Variants in CDH6 observed in about 807,000 individuals in gnomAD.
CDH6 encodes cadherin-6.
CDH6 carries 31 observed loss-of-function variants against 78.0 expected under a neutral mutation model. That is an observed-to-expected ratio of 0.40 (90% confidence interval 0.30 to 0.54). CDH6 has a LOEUF of 0.54. Among genes scored for constraint, CDH6 ranks in the 20% least tolerant of loss-of-function variants. The probability of loss-of-function intolerance (pLI) is 0.56; values close to 1 mark genes in which losing one functional copy is unlikely to be tolerated. For missense variants in CDH6, 724 were observed against 975.9 expected (o/e 0.74, Z 3.44); for synonymous variants, 376 against 368.8 (o/e 1.02, Z -0.23).
intron 1 of CDH6, among the ~76,000 whole-genome samples, chr5:31,199,427 C>CTTT (rs1740261869): frequency 3.9e-5 from 2 of 50,914 alleles, no homozygotes; most frequent in Non-Finnish European, 8.0e-5. Context: ...TATATGTACA[C>CTTT]ACATATGTGT....
At chr5:31,302,390 A>G (rs1737789776) in intron 6 of CDH6, 92 bp downstream of exon 6, 1 of 903,878 alleles carries the variant, frequency 1.1e-6, no homozygotes, top group Non-Finnish European at 1.6e-6. Context: ...TCACATAAAC[A>G]TTCCTTTAGA....
intron 1 of CDH6, chr5:31,251,454 T>A (rs192828121): frequency 6.6e-6 from 1 of 152,276 alleles, no homozygotes; most frequent in African/African-American, 2.4e-5. Context: ...GCTCCACACT[T>A]CTTTCCTTCT....
intron 1 of CDH6, among the ~76,000 whole-genome samples, chr5:31,235,284 T>A (rs762685976): frequency 5.4e-5 from 7 of 128,750 alleles, no homozygotes; most frequent in Admixed American, 9.3e-5. Flanking sequence ...AAGCCCAAAG[T>A]TAGAAAAATT....
At chr5:31,258,664 C>T (rs1742125030) in intron 1 of CDH6, among the ~76,000 whole-genome samples, 1 of 152,058 alleles carries the variant, frequency 6.6e-6, no homozygotes, top group South Asian at 2.1e-4. Context: ...GAAAATGGTC[C>T]CCATTACAAA....
Position 31,305,256 on chromosome 5 carries a change from T to G in CDH6, c.1082T>G (p.Leu361Trp). The G allele has an allele frequency of 6.2e-7, 1 of 1,614,136 alleles. No homozygotes were observed. Among genetic ancestry groups the G allele is most frequent in the South Asian group, 1.1e-5 (1 of 91,086 alleles). The change falls in exon 7 of 12, where the codon TTG (leucine) becomes TGG (tryptophan). Residue 361 changes from leucine (L) to tryptophan (W), a missense_variant. Leu to Trp is a moderately conservative substitution (Grantham distance 61). This residue lies in a region of CDH6 where 446 missense variants were observed against 684.5 expected (regional missense o/e 0.65). Coordinates refer to ENST00000265071, the MANE Select transcript of CDH6 (RefSeq NM_004932.4). ...TATGTTGAGCCACGATTTCTCTACT[T>G]GGGGCCTTTCAAAGATTCAGCCACG... ...NPYVEPRFLYLGPFKDSATVR... is the reference protein window; with the variant it reads ...NPYVEPRFLYWGPFKDSATVR...
At chr5:31,200,438 G>T (rs924020894) in intron 1 of CDH6, among the ~76,000 whole-genome samples, 1 of 151,894 alleles carries the variant, frequency 6.6e-6, no homozygotes, top group African/African-American at 2.4e-5. Context: ...AAGTAAGATA[G>T]TGTTTGTGTC....
At chr5:31,285,748 C>G (rs930780327) in intron 2 of CDH6, among the ~76,000 whole-genome samples, 2 of 152,234 alleles carry the variant, frequency 1.3e-5, no homozygotes, top group African/African-American at 4.8e-5. Context: ...TCTGACCCAG[C>G]ATCCAATGTA....
chr5:31,248,752 T>C (rs1741826697), intron 1 of CDH6, among the ~76,000 whole-genome samples: 1 of 151,994 alleles, frequency 6.6e-6, no homozygotes, highest in South Asian at 2.1e-4. Flanking sequence ...CACACAATTA[T>C]ACCACCCCAA....
chr5:31,307,582 A>G (rs1411977224), intron 7 of CDH6, among the ~76,000 whole-genome samples: 1 of 152,234 alleles, frequency 6.6e-6, no homozygotes, highest in Non-Finnish European at 1.5e-5. Flanking sequence ...TTTCACTAAT[A>G]TAGCTTTCAC....
chr5:31,270,836 C>T (rs1742511789), intron 2 of CDH6, among the ~76,000 whole-genome samples: 1 of 152,088 alleles, frequency 6.6e-6, no homozygotes, highest in Admixed American at 6.6e-5. Context: ...GCTGAGACTA[C>T]AGACATGAAC....
intron 1 of CDH6, among the ~76,000 whole-genome samples, chr5:31,233,754 C>T (rs1254432547): frequency 2.6e-5 from 4 of 152,168 alleles, no homozygotes; most frequent in African/African-American, 4.8e-5. Flanking sequence ...AGTTTCTTCA[C>T]GGAGAGGTCC....
chr5:31,236,132 G>A (rs931708592), intron 1 of CDH6, among the ~76,000 whole-genome samples: 6 of 152,008 alleles, frequency 3.9e-5, no homozygotes, highest in Admixed American at 1.3e-4. Flanking sequence ...TATTAATGGT[G>A]TATATACAAA....
intron 1 of CDH6, 123 bp from the exon 2 acceptor site, chr5:31,267,223 A>G: frequency 2.1e-6 from 1 of 481,424 alleles, no homozygotes; most frequent in Non-Finnish European, 3.7e-6. Context: ...TTCAAAATTG[A>G]TAGCCAACTT....
chr5:31,202,746 A>G (rs1740393358), intron 1 of CDH6, among the ~76,000 whole-genome samples: 1 of 151,536 alleles, frequency 6.6e-6, no homozygotes, highest in African/African-American at 2.4e-5. Context: ...ATATGCGTGT[A>G]TATATGTAAC....
At chr5:31,211,545 A>C (rs541181384) in intron 1 of CDH6, among the ~76,000 whole-genome samples, 3 of 152,316 alleles carry the variant, frequency 2.0e-5, no homozygotes, top group African/African-American at 7.2e-5. Flanking sequence ...GCAGATGTTT[A>C]TCTAAATCCA....
intron 1 of CDH6, among the ~76,000 whole-genome samples, chr5:31,215,776 G>A (rs1217109165): frequency 6.6e-6 from 1 of 152,138 alleles, no homozygotes; most frequent in East Asian, 1.9e-4. Context: ...AAGATTGAAT[G>A]AGATGGATGG....
intron 1 of CDH6, among the ~76,000 whole-genome samples, chr5:31,253,593 T>G (rs953631018): frequency 7.9e-5 from 12 of 152,220 alleles, no homozygotes; most frequent in African/African-American, 2.9e-4. Flanking sequence ...ATGAAGGCAA[T>G]GCCCTCATGA....
chr5:31,256,352 T>G (rs1742052800), intron 1 of CDH6, among the ~76,000 whole-genome samples: 1 of 152,214 alleles, frequency 6.6e-6, no homozygotes, highest in East Asian at 1.9e-4. Flanking sequence ...CCTTGGGGTC[T>G]GTAACTGAGC....
At chr5:31,203,174 C>G (rs1175829548) in intron 1 of CDH6, among the ~76,000 whole-genome samples, 1 of 150,904 alleles carries the variant, frequency 6.6e-6, no homozygotes, top group African/African-American at 2.4e-5. Context: ...CATTTTCCCT[C>G]TCTGATTTAC....
Sources: allele counts gnomAD v4.1 joint callset (sites outside exome capture counted in the v4.1 genomes callset), GRCh38; gene constraint gnomAD v4.1.1; regional missense constraint gnomAD v4.1.1; transcripts MANE v1.5; gene names NCBI Gene and HGNC (gene_info 2026-07-23, HGNC 2026-07-21).